SLC6A3: variants seen among roughly 807,000 people sequenced by gnomAD.
SLC6A3 encodes the protein solute carrier family 6 member 3.
In SLC6A3, 19 loss-of-function variants were observed where a neutral mutation model predicts 70.4. The observed-to-expected ratio is 0.27, with a 90% CI of 0.19 to 0.40. SLC6A3 has a LOEUF of 0.40. Among genes scored for constraint, SLC6A3 ranks in the 10% least tolerant of loss-of-function variants. The pLI is 1.00. For synonymous variants in SLC6A3, 368 were observed against 356.6 expected (o/e 1.03, Z -0.36); for missense variants, 613 against 838.5 (o/e 0.73, Z 3.32).
rs1420810554 is a variant in SLC6A3, at chr5:1,437,261, AAAAAAG to A, written c.418+4092_418+4097del. Reference sequence around the variant, plus strand: ...CGAGATTCCGTCTCACAAAAAAAAAAAAAAAGAAAAGAAAAGAAAAGAAAGAGGGGA... The same window carrying A: ...CGAGATTCCGTCTCACAAAAAAAAAAAAAAGAAAAGAAAAGAAAGAGGGGA... On this transcript the variant is annotated intron_variant, in intron 3 of 14. Coordinates refer to ENST00000270349, the MANE Select transcript of SLC6A3 (RefSeq NM_001044.5). This position sits in a 1 kb window ranked among gnomAD's most constrained non-coding sequence, Gnocchi z 4.8. Among the ~76,000 whole-genome samples the A allele has an allele frequency of 7.2e-5, 11 of 151,840 alleles. 1 individual carries two copies. Among genetic ancestry groups the A allele is most frequent in the South Asian group, 2.1e-4 (1 of 4,818 alleles).
intron 8 of SLC6A3, 118 bp downstream of exon 8, chr5:1,414,573 C>G (rs1306932282): frequency 8.3e-7 from 1 of 1,198,430 alleles, no homozygotes; most frequent in African/African-American, 1.5e-5. Flanking sequence ...CAGCAACTCT[C>G]ACTGAAGTCG....
At chr5:1,441,555 T>C in intron 2 of SLC6A3, 65 bp from the exon 3 acceptor site, 2 of 1,575,764 alleles carry the variant, frequency 1.3e-6, no homozygotes, top group Admixed American at 1.8e-5. Flanking sequence ...TCGTGGGAGC[T>C]TGGGCGGCTA....
chr5:1,432,530 T>C lies in SLC6A3; in HGVS notation c.587A>G (p.Asp196Gly), dbSNP rs1283198279. The change falls in exon 4 of 15, where the codon GAC (aspartate) becomes GGC (glycine). Residue 196 changes from aspartate (D) to glycine (G), a missense_variant. By Grantham distance (94) the Asp-to-Gly change is moderately conservative. Around this residue, in one of 4 missense-constraint regions of SLC6A3, gnomAD observed 153 missense variants for 249.4 expected, o/e 0.61. Coordinates refer to ENST00000270349, the MANE Select transcript of SLC6A3 (RefSeq NM_001044.5). ...GAGGCCCGAGCTGTCTCCACTGGAG[T>C]CACCAGGATGGGCATCCGAGCAGTT... ...SPNCSDAHPG[D>G]SSGDSSGLND... 2 of 1,613,700 alleles carry C rather than the reference T, an allele frequency of 1.2e-6. No individual in the cohort carries two copies.
At chr5:1,399,157 G>A (rs887875227) in intron 14 of SLC6A3, among the ~76,000 whole-genome samples, 5 of 152,018 alleles carry the variant, frequency 3.3e-5, no homozygotes, top group African/African-American at 1.2e-4. Context: ...AAATTAATTT[G>A]GAAATTAAAA....
intron 6 of SLC6A3, among the ~76,000 whole-genome samples, chr5:1,417,592 G>T (rs1393607873): frequency 2.6e-5 from 4 of 152,242 alleles, no homozygotes; most frequent in Non-Finnish European, 5.9e-5. Context: ...GTGGGTCCAC[G>T]ATTGGACCAT....
chr5:1,443,756 C>A (rs1436820173), intron 1 of SLC6A3, among the ~76,000 whole-genome samples: 1 of 152,108 alleles, frequency 6.6e-6, no homozygotes, highest in African/African-American at 2.4e-5. Context: ...ACTGCCTCAA[C>A]CTCCTAGGTT....
In SLC6A3 at chr5:1,443,051, G is replaced by A. The variant is rs1178507517; in HGVS notation, c.147C>T (p.Asn49=). 7 of 1,614,224 alleles carry A rather than the reference G, an allele frequency of 4.3e-6. No homozygotes were observed. Among genetic ancestry groups the A allele is most frequent in the Non-Finnish European group, 5.9e-6 (7 of 1,180,042 alleles). ...GGGCCTCCACGGGGCTCTGCCGCGG[G>A]TTGGTGAGGGTGGAGCTGGTGAGCT... is the stretch of plus-strand genomic sequence containing the variant. ...GVQLTSSTLT[N]PRQSPVEAQD... The change falls in exon 2 of 15, where the codon AAC becomes AAT. Residue 49 remains asparagine, a synonymous_variant. Transcript: ENST00000270349.
chr5:1,439,552 T>G (rs908309137), intron 3 of SLC6A3, among the ~76,000 whole-genome samples: 13 of 152,204 alleles, frequency 8.5e-5, no homozygotes, highest in African/African-American at 2.9e-4. Flanking sequence ...CCTCAGCAGC[T>G]GTGAAATGCC....
intron 8 of SLC6A3, among the ~76,000 whole-genome samples, chr5:1,412,766 G>A (rs930023122): frequency 6.6e-6 from 1 of 152,194 alleles, no homozygotes; most frequent in African/African-American, 2.4e-5. Flanking sequence ...ATAGGCCTGC[G>A]CCTGGCCTTT....
In SLC6A3 at chr5:1,437,906, C is replaced by T. The variant is rs989157625; in HGVS notation, c.418+3453G>A. 2.0e-5 allele frequency among the ~76,000 whole-genome samples: 3 copies of T among 152,310 alleles called. No homozygotes were observed. Among genetic ancestry groups the T allele is most frequent in the South Asian group, 2.1e-4 (1 of 4,826 alleles). On this transcript the variant is annotated intron_variant, in intron 3 of 14. Coordinates refer to ENST00000270349, the MANE Select transcript of SLC6A3 (RefSeq NM_001044.5). The surrounding 1 kb of genome is among the most constrained non-coding windows in gnomAD (Gnocchi z 4.8). ...ACTTCTATTCAATGAGACATGAAAACGTATGCATTTTTATTAACCAGATTT... is the reference window on the plus strand; with the variant it reads ...ACTTCTATTCAATGAGACATGAAAATGTATGCATTTTTATTAACCAGATTT...
At chr5:1,420,725 C>G in intron 5 of SLC6A3, 22 bp from the exon 6 acceptor site, 1 of 1,612,416 alleles carries the variant, frequency 6.2e-7, no homozygotes, top group Non-Finnish European at 8.5e-7. Context: ...GACAGTGTCA[C>G]CAGGCTGCAC....
At position 1,413,398 on chromosome 5, in the gene SLC6A3, G is replaced by A. The variant is rs189096226; in HGVS notation, c.1156+1293C>T. 6.6e-5 allele frequency among the ~76,000 whole-genome samples: 10 copies of A among 152,284 alleles called. No individual in the cohort carries two copies. The highest frequency in any genetic ancestry group is 1.4e-4 in the African/African-American group (6 of 41,554). The stretch of plus-strand genomic sequence containing the variant: ...AGTGGGCCCTTTCAGGTCTCTGAGC[G>A]TGTTCCTACCTGCGGTGCGAGGGTC... On this transcript the variant is annotated intron_variant, in intron 8 of 14. Transcript: ENST00000270349. This position sits in a 1 kb window ranked among gnomAD's most constrained non-coding sequence, Gnocchi z 7.1.
rs1015934254 is a variant in SLC6A3 at position 1,436,793 on chromosome 5, G to A, written c.419-4095C>T. Among the ~76,000 whole-genome samples, 4 of 152,132 alleles carry A rather than the reference G, an allele frequency of 2.6e-5. No homozygotes were observed. Among genetic ancestry groups the A allele is most frequent in the African/African-American group, 7.2e-5 (3 of 41,426 alleles). ...AATGGTGCTTCGCCCACCAGAGCAC[G>A]GCCACCCTGCCCCACCCCTGAACAC... is the stretch of plus-strand genomic sequence containing the variant. On this transcript the variant is annotated intron_variant, in intron 3 of 14. Transcript: ENST00000270349. The surrounding 1 kb of genome is among the most constrained non-coding windows in gnomAD (Gnocchi z 5.2).
chr5:1,420,268 C>T (rs969340097), intron 6 of SLC6A3, among the ~76,000 whole-genome samples: 3 of 152,208 alleles, frequency 2.0e-5, no homozygotes, highest in Non-Finnish European at 4.4e-5. Flanking sequence ...GGACAAGGGT[C>T]CCATCCCCCA....
rs1255207581 is a variant in SLC6A3 at position 1,438,416 on chromosome 5, C to T, written c.418+2943G>A. The stretch of plus-strand genomic sequence containing the variant: ...CCCCGGCTGCGCATTGTGGAGAACA[C>T]GATGATATGCCCACATCCGCCGGCT... On this transcript the variant is annotated intron_variant, in intron 3 of 14. Coordinates refer to ENST00000270349, the MANE Select transcript of SLC6A3 (RefSeq NM_001044.5). This position sits in a 1 kb window ranked among gnomAD's most constrained non-coding sequence, Gnocchi z 6.5. Among the ~76,000 whole-genome samples the T allele has an allele frequency of 1.3e-5, 2 of 152,186 alleles. No homozygotes were observed. The highest frequency in any genetic ancestry group is 6.5e-5 in the Admixed American group (1 of 15,288).
At position 1,416,027 on chromosome 5, in the gene SLC6A3, C is replaced by A. The variant is rs40358; in HGVS notation, c.1031+71G>T. On this transcript the variant is annotated intron_variant, in intron 7 of 14. Coordinates refer to ENST00000270349, the MANE Select transcript of SLC6A3 (RefSeq NM_001044.5). ...CCGCCCTGTTCTCATCCAGGGACACCCTATTTCTGGAAGTCAGCGACCTCT... is the reference window on the plus strand; with the variant it reads ...CCGCCCTGTTCTCATCCAGGGACACACTATTTCTGGAAGTCAGCGACCTCT... 978,140 of 1,168,044 alleles carry A rather than the reference C, an allele frequency of 0.84. 411,503 individuals are homozygous for A. Among genetic ancestry groups the A allele is most frequent in the South Asian group, 0.87 (71,262 of 81,740 alleles). The allele number at this position is 1,168,044 out of a possible 1,614,324, so 72.4% of individuals were successfully genotyped here. A position where few individuals can be genotyped will look rare whatever the true frequency, so the allele number is the denominator to read the frequency against.
intron 6 of SLC6A3, 46 bp from the exon 7 acceptor site, chr5:1,416,247 G>A (rs766236473): frequency 3.4e-6 from 5 of 1,462,634 alleles, no homozygotes; most frequent in East Asian, 2.3e-5. Context: ...GAGAACGCAG[G>A]CCACAGGCAA....
intron 14 of SLC6A3, among the ~76,000 whole-genome samples, chr5:1,398,533 TATATC>T (rs1304118536): frequency 6.6e-6 from 1 of 152,072 alleles, no homozygotes; most frequent in Non-Finnish European, 1.5e-5. Flanking sequence ...CAAGTTCAAA[TATATC>T]AATAATCACA....
chr5:1,440,411 G>A (rs1390857721), intron 3 of SLC6A3, among the ~76,000 whole-genome samples: 1 of 152,152 alleles, frequency 6.6e-6, no homozygotes, highest in East Asian at 1.9e-4. Flanking sequence ...GACTGGATGG[G>A]TGGATGAATG....
Sources: gnomAD v4.1 joint callset for allele counts (sites outside exome capture counted in the v4.1 genomes callset) on GRCh38, gnomAD v4.1.1 for gene constraint, gnomAD v4.1.1 regional missense constraint, Gnocchi (gnomAD v3.1) non-coding constraint, MANE v1.5 for transcripts, NCBI Gene and HGNC (gene_info 2026-07-23, HGNC 2026-07-21) for gene names.